PTH2R: variants seen among roughly 807,000 people sequenced by gnomAD.
PTH2R encodes parathyroid hormone 2 receptor.
Under a neutral mutation model 60.3 loss-of-function variants are expected in PTH2R, and 59 were observed. That is an observed-to-expected ratio of 0.98 (90% CI 0.79 to 1.22). The LOEUF is 1.22. Among genes scored for constraint, PTH2R ranks in the 50% most tolerant of loss-of-function variants. The pLI is 0.00. For missense variants in PTH2R, 749 were observed against 682.6 expected, an observed-to-expected ratio of 1.10 and a Z score of -1.08; for synonymous variants, 256 against 243.8, an observed-to-expected ratio of 1.05 and a Z score of -0.47.
At chr2:208,367,475 C>T (rs192673270) in intron 1 of PTH2R, among the ~76,000 whole-genome samples, 189 of 138,540 alleles carry the variant, frequency 1.4e-3, no homozygotes, top group Non-Finnish European at 2.3e-3. Flanking sequence ...GGCTGAAGTG[C>T]AGTGGCACAA....
chr2:208,474,892 T>C (rs995691435), intron 9 of PTH2R, among the ~76,000 whole-genome samples: 1 of 152,180 alleles, frequency 6.6e-6, no homozygotes, highest in Non-Finnish European at 1.5e-5. Context: ...TATGAGAGAC[T>C]GTACTCTTGA....
chr2:208,467,005 T>G (rs927373205), intron 9 of PTH2R, among the ~76,000 whole-genome samples: 1 of 152,172 alleles, frequency 6.6e-6, no homozygotes, highest in Non-Finnish European at 1.5e-5. Context: ...CTTATTTTTT[T>G]TGGATAGTTC....
intron 1 of PTH2R, among the ~76,000 whole-genome samples, chr2:208,364,772 T>C (rs1211503668): frequency 2.0e-5 from 3 of 152,206 alleles, no homozygotes; most frequent in Non-Finnish European, 4.4e-5. Context: ...TATTAACATC[T>C]TAATAATATT....
At chr2:208,451,016 C>G (rs1041631410) in intron 8 of PTH2R, among the ~76,000 whole-genome samples, 1 of 151,998 alleles carries the variant, frequency 6.6e-6, no homozygotes, top group Non-Finnish European at 1.5e-5. Context: ...CACTCGCAGA[C>G]TAGATGAAGG....
exon 1 of PTH2R, chr2:208,359,952 C>A: frequency 3.9e-6 from 1 of 258,102 alleles, no homozygotes; most frequent in South Asian, 3.8e-5. Context: ...ACTTCCTCCA[C>A]GTTCTCGTGC....
At chr2:208,416,437 A>T (rs1701642440) in intron 1 of PTH2R, among the ~76,000 whole-genome samples, 1 of 152,240 alleles carries the variant, frequency 6.6e-6, no homozygotes, top group Admixed American at 6.5e-5. Flanking sequence ...TCAGTTCTTT[A>T]AATTTTTGTC....
chr2:208,448,966 C>G (rs1212079787), intron 7 of PTH2R, among the ~76,000 whole-genome samples: 1 of 152,016 alleles, frequency 6.6e-6, no homozygotes, highest in Non-Finnish European at 1.5e-5. Flanking sequence ...TAATTATCAT[C>G]TAAAACATAA....
chr2:208,437,752 C>T lies in PTH2R; in HGVS notation c.290-8C>T, dbSNP rs1322625549. Reference sequence around the variant, plus strand: ...TGAGCGATCTCAGCATCTTTCATGTCTTTACAGGAGTTGCTTTCCGACACT... The same window carrying T: ...TGAGCGATCTCAGCATCTTTCATGTTTTTACAGGAGTTGCTTTCCGACACT... On this transcript the variant is annotated splice_polypyrimidine_tract_variant and splice_region_variant and intron_variant, in intron 3 of 12. Transcript: ENST00000272847. 1 of 1,611,374 alleles carries T rather than the reference C, an allele frequency of 6.2e-7. No individual in the cohort carries two copies. The highest frequency in any genetic ancestry group is 8.5e-7 in the Non-Finnish European group (1 of 1,177,778).
chr2:208,394,319 G>A (rs1701164778), intron 1 of PTH2R, among the ~76,000 whole-genome samples: 2 of 152,256 alleles, frequency 1.3e-5, no homozygotes, highest in Non-Finnish European at 2.9e-5. Context: ...CCCCAGGGGG[G>A]TGCATGTTGA....
intron 1 of PTH2R, among the ~76,000 whole-genome samples, chr2:208,381,670 T>C (rs1017695818): frequency 6.6e-6 from 1 of 152,110 alleles, no homozygotes; most frequent in Non-Finnish European, 1.5e-5. Context: ...ATAGAAGCCT[T>C]TTATAGTAAT....
At chr2:208,445,376 C>G (rs567997594) in intron 7 of PTH2R, among the ~76,000 whole-genome samples, 1 of 152,088 alleles carries the variant, frequency 6.6e-6, no homozygotes, top group African/African-American at 2.4e-5. Context: ...GTGGACTTAC[C>G]ATGTGTTTTA....
chr2:208,445,803 C>A lies in PTH2R; in HGVS notation c.853+916C>A, dbSNP rs1559222707. 2.0e-5 allele frequency among the ~76,000 whole-genome samples: 3 copies of A among 152,128 alleles called. No individual in the cohort carries two copies. In the South Asian group the frequency reaches 6.2e-4, roughly 32 times the overall value. On this transcript the variant is annotated intron_variant, in intron 7 of 12. Transcript: ENST00000272847. ...GAACTTTCTGCTAGCTAATTAATAA[C>A]CTTTAAGAAGACAAAGAAAATCAAT...
At chr2:208,378,074 C>G (rs1322585342) in intron 1 of PTH2R, among the ~76,000 whole-genome samples, 1 of 152,018 alleles carries the variant, frequency 6.6e-6, no homozygotes, top group African/African-American at 2.4e-5. Context: ...GCACTCCAGC[C>G]TGGGCAACAT....
At chr2:208,419,936 T>C (rs941006843) in intron 1 of PTH2R, among the ~76,000 whole-genome samples, 14 of 152,282 alleles carry the variant, frequency 9.2e-5, no homozygotes, top group African/African-American at 2.9e-4. Context: ...ACATATACAC[T>C]GTGGAATACT....
At chr2:208,392,261 C>T (rs114346271) in intron 1 of PTH2R, among the ~76,000 whole-genome samples, 70 of 152,258 alleles carry the variant, frequency 4.6e-4, no homozygotes, top group African/African-American at 1.5e-3. Flanking sequence ...TCTTCATTCC[C>T]CATTGGGTTT....
At chr2:208,490,152 G>T (rs1397217699) in intron 11 of PTH2R, among the ~76,000 whole-genome samples, 1 of 152,022 alleles carries the variant, frequency 6.6e-6, no homozygotes, top group African/African-American at 2.4e-5. Context: ...CAGGGAACTT[G>T]TCTGTTTTGT....
chr2:208,447,510 C>G (rs1017801448), intron 7 of PTH2R, among the ~76,000 whole-genome samples: 2 of 151,448 alleles, frequency 1.3e-5, no homozygotes, highest in Non-Finnish European at 2.9e-5. Flanking sequence ...ATGGCGTGAA[C>G]CCAGGAGGTG....
At position 208,490,566 on chromosome 2, in the gene PTH2R, A is replaced by G. The variant is rs1007256861; in HGVS notation, c.1216-73A>G. The G allele has an allele frequency of 8.1e-6, 12 of 1,479,056 alleles. No homozygotes were observed. The African/African-American group carries it at 1.3e-4, about 16-fold the overall frequency. 91.6% of individuals were successfully genotyped at this position (1,479,056 alleles called of 1,614,324 possible). ...TAAAAAACAATTTTTGGACGTACACATTTTGGCACAAGATGCTTAAGTGCT... is the reference window on the plus strand; with the variant it reads ...TAAAAAACAATTTTTGGACGTACACGTTTTGGCACAAGATGCTTAAGTGCT... On this transcript the variant is annotated intron_variant, in intron 11 of 12. Transcript: ENST00000272847.
At chr2:208,401,878 C>G (rs374670247), upstream of PTH2R, among the ~76,000 whole-genome samples, 25 of 152,318 alleles carry the variant, frequency 1.6e-4, no homozygotes, top group African/African-American at 5.5e-4. Context: ...ACGCTAGCCA[C>G]AGTGTGTTGT....
Sources: allele counts gnomAD v4.1 joint callset (sites outside exome capture counted in the v4.1 genomes callset), GRCh38; gene constraint gnomAD v4.1.1; transcripts MANE v1.5; gene names NCBI Gene and HGNC (gene_info 2026-07-23, HGNC 2026-07-21).